CSMD2: variants seen among roughly 807,000 people sequenced by gnomAD.
The protein encoded by CSMD2 is CUB and Sushi multiple domains 2.
Under a neutral mutation model 398.5 loss-of-function variants are expected in CSMD2, and 130 were observed. The observed-to-expected ratio is 0.33, with a 90% CI of 0.28 to 0.38. The LOEUF is 0.38. Among genes scored for constraint, CSMD2 ranks in the 10% least tolerant of loss-of-function variants. The probability of loss-of-function intolerance (pLI) is 1.00; values close to 1 mark genes in which losing one functional copy is unlikely to be tolerated. For synonymous variants in CSMD2, 1,828 were observed against 1,908.5 expected, an observed-to-expected ratio of 0.96 and a Z score of 1.10; for missense variants, 3,829 against 4,764.9, an observed-to-expected ratio of 0.80 and a Z score of 5.78.
chr1:34,102,696 A>ATATCCCTG (rs1260830790), intron 1 of CSMD2, among the ~76,000 whole-genome samples: 1 of 151,590 alleles, frequency 6.6e-6, no homozygotes, highest in East Asian at 1.9e-4. Flanking sequence ...TAATCCGGCC[A>ATATCCCTG]TGCTGGACCT....
rs558324379 is a variant in CSMD2, at chr1:33,971,297, A to G, written c.518-35343T>C. Among the ~76,000 whole-genome samples the G allele has an allele frequency of 2.0e-3, 307 of 152,320 alleles. 1 individual carries two copies. The highest frequency in any genetic ancestry group is 7.2e-3 in the African/African-American group (299 of 41,578). ...GACCTCTAGACTCCCTGAGGCCGGC[A>G]AAAGTGTCTCATGTGCATGGGTGAG... On this transcript the variant is annotated intron_variant, in intron 3 of 70. Transcript: ENST00000373381.
chr1:34,129,009 C>CA (rs1004266249), intron 1 of CSMD2, among the ~76,000 whole-genome samples: 308 of 103,402 alleles, frequency 3.0e-3, no homozygotes, highest in East Asian at 0.013. Context: ...GTGTACCCCC[C>CA]CCCACACACA....
At chr1:33,966,317 T>C (rs367639053) in intron 3 of CSMD2, among the ~76,000 whole-genome samples, 6 of 152,204 alleles carry the variant, frequency 3.9e-5, no homozygotes, top group Admixed American at 3.3e-4. Context: ...CCCTGATGGT[T>C]GCAAATCCTT....
intron 3 of CSMD2, among the ~76,000 whole-genome samples, chr1:33,993,501 T>C (rs370997761): frequency 6.6e-6 from 1 of 152,106 alleles, no homozygotes; most frequent in Non-Finnish European, 1.5e-5. Flanking sequence ...CTGCCCACTC[T>C]GTGTCTCCTG....
intron 2 of CSMD2, among the ~76,000 whole-genome samples, chr1:34,070,677 T>C (rs1321994327): frequency 1.3e-5 from 2 of 152,184 alleles, no homozygotes; most frequent in African/African-American, 4.8e-5. Flanking sequence ...CAAGAACTCT[T>C]TGTGTCTGCA....
intron 3 of CSMD2, among the ~76,000 whole-genome samples, chr1:34,004,781 G>A (rs1647007861): frequency 6.6e-6 from 1 of 152,002 alleles, no homozygotes. Context: ...CCTATGGCCT[G>A]GTCAAATAGC....
intron 22 of CSMD2, among the ~76,000 whole-genome samples, chr1:33,704,064 T>C (rs1421977370): frequency 2.6e-5 from 4 of 152,206 alleles, no homozygotes; most frequent in Non-Finnish European, 5.9e-5. Flanking sequence ...AAAATAAAAT[T>C]TTATCTTCTC....
chr1:34,141,148 C>T (rs916471798), intron 1 of CSMD2, among the ~76,000 whole-genome samples: 1 of 152,038 alleles, frequency 6.6e-6, no homozygotes, highest in African/African-American at 2.4e-5. Flanking sequence ...AGTGAACCTA[C>T]CCATACCCCC....
Position 33,743,471 on chromosome 1 carries a change from T to C in CSMD2, c.1982A>G (p.Asn661Ser). The C allele has an allele frequency of 6.2e-7, 1 of 1,614,140 alleles. No individual in the cohort carries two copies. Among genetic ancestry groups the C allele is most frequent in the Non-Finnish European group, 8.5e-7 (1 of 1,180,032 alleles). ...RPESRIHLAF[N>S]DIDVEPQFDF... Reference sequence around the variant, plus strand: ...AAACTGAGGCTCCACGTCAATGTCGTTGAAGGCCAGGTGGATGCGGCTCTC... The same window carrying C: ...AAACTGAGGCTCCACGTCAATGTCGCTGAAGGCCAGGTGGATGCGGCTCTC... The change falls in exon 14 of 71, where the codon AAC (asparagine) becomes AGC (serine). Residue 661 changes from asparagine (N) to serine (S), a missense_variant. Asn to Ser is a conservative substitution (Grantham distance 46). Coordinates refer to ENST00000373381, the MANE Select transcript of CSMD2 (RefSeq NM_001281956.2).
intron 9 of CSMD2, among the ~76,000 whole-genome samples, chr1:33,816,262 C>T (rs919664643): frequency 2.0e-5 from 3 of 152,214 alleles, no homozygotes; most frequent in Non-Finnish European, 4.4e-5. Flanking sequence ...TAATTATTTA[C>T]TTTGTGAATC....
chr1:33,647,029 G>C lies in CSMD2; in HGVS notation c.4587-194C>G, dbSNP rs142342933. Among the ~76,000 whole-genome samples the C allele has an allele frequency of 1.0e-3, 155 of 152,278 alleles. 1 individual carries two copies. In the East Asian group the frequency reaches 0.022, roughly 21 times the overall value. On this transcript the variant is annotated intron_variant, in intron 28 of 70. Coordinates refer to ENST00000373381, the MANE Select transcript of CSMD2 (RefSeq NM_001281956.2). ...ATGACCTCAGTCAGGTGAGAAGATG[G>C]AAGAGGCAGGCTCAGGGGCAGAGGA...
intron 1 of CSMD2, among the ~76,000 whole-genome samples, chr1:34,112,661 A>C (rs1200039334): frequency 6.6e-6 from 1 of 152,224 alleles, no homozygotes; most frequent in African/African-American, 2.4e-5. Flanking sequence ...ATGTTGAATG[A>C]ATGAATGAAT....
rs768111629 is a variant in CSMD2, at chr1:33,533,949, C to T, written c.9880-42G>A. ...AGTCCCATCAGCCCCTTCCTTTCAG[C>T]GGTGCTTCCTACGTCTGTCCCTTGA... On this transcript the variant is annotated intron_variant, in intron 62 of 70. Transcript: ENST00000373381. The surrounding 1 kb of genome is among the most constrained non-coding windows in gnomAD (Gnocchi z 4.2). 1.5e-5 allele frequency: 19 copies of T among 1,290,980 alleles called. No individual in the cohort carries two copies. Among genetic ancestry groups the T allele is most frequent in the South Asian group, 6.0e-5 (5 of 83,016 alleles). The allele number at this position is 1,290,980 out of a possible 1,614,324, so 80.0% of individuals were successfully genotyped here. A position where few individuals can be genotyped will look rare whatever the true frequency, so the allele number is the denominator to read the frequency against.
intron 7 of CSMD2, among the ~76,000 whole-genome samples, chr1:33,823,758 T>C (rs1160209767): frequency 6.6e-6 from 1 of 152,228 alleles, no homozygotes; most frequent in Non-Finnish European, 1.5e-5. Context: ...ACACCCATTC[T>C]TTCTGAGGAA....
At chr1:34,028,117 G>A (rs1203044016) in intron 3 of CSMD2, among the ~76,000 whole-genome samples, 1 of 152,020 alleles carries the variant, frequency 6.6e-6, no homozygotes, top group Non-Finnish European at 1.5e-5. Flanking sequence ...TCTGGAATTC[G>A]AGACCAGCCT....
At chr1:33,832,799 T>G (rs1395933836) in intron 6 of CSMD2, among the ~76,000 whole-genome samples, 1 of 151,344 alleles carries the variant, frequency 6.6e-6, no homozygotes, top group East Asian at 1.9e-4. Flanking sequence ...ACAGACACAA[T>G]AAAAAATGAT....
chr1:33,751,914 T>C (rs1049507470), intron 13 of CSMD2, among the ~76,000 whole-genome samples: 5 of 152,168 alleles, frequency 3.3e-5, no homozygotes, highest in African/African-American at 1.2e-4. Context: ...CATGAGCCAC[T>C]GTGCCCAGCC....
chr1:33,600,543 A>G (rs987675697), intron 44 of CSMD2: 8 of 512,188 alleles, frequency 1.6e-5, no homozygotes, highest in African/African-American at 1.3e-4. Flanking sequence ...GTGCTAAGGG[A>G]TAAGCTGGGG....
chr1:34,103,519 T>A (rs374671107), intron 1 of CSMD2, among the ~76,000 whole-genome samples: 3 of 152,076 alleles, frequency 2.0e-5, no homozygotes, highest in African/African-American at 7.2e-5. Flanking sequence ...AGGATGGTCT[T>A]GATCTGACCT....
Sources: allele counts gnomAD v4.1 joint callset (sites outside exome capture counted in the v4.1 genomes callset), GRCh38; gene constraint gnomAD v4.1.1; non-coding constraint Gnocchi (gnomAD v3.1); transcripts MANE v1.5; gene names NCBI Gene and HGNC (gene_info 2026-07-23, HGNC 2026-07-21).